Variants in ENAH observed in about 807,000 individuals in gnomAD.
ENAH encodes ENAH actin regulator.
A neutral mutation model predicts 78.7 loss-of-function variants in ENAH; 23 were observed. That is an observed-to-expected ratio of 0.29 (90% confidence interval 0.21 to 0.41). The LOEUF (loss-of-function observed/expected upper bound fraction) is 0.41, where lower values mean the gene tolerates loss of function less well. Ranked by LOEUF, ENAH falls within the 10% of genes least tolerant of loss-of-function variation. The probability of loss-of-function intolerance (pLI) is 1.00; values close to 1 mark genes in which losing one functional copy is unlikely to be tolerated. For synonymous variants in ENAH, 226 were observed against 241.0 expected, an observed-to-expected ratio of 0.94 and a Z score of 0.58; for missense variants, 544 against 691.0, an observed-to-expected ratio of 0.79 and a Z score of 2.39.
chr1:225,622,439 TA>T (rs929239854), intron 1 of ENAH, among the ~76,000 whole-genome samples: 2 of 152,170 alleles, frequency 1.3e-5, no homozygotes, highest in African/African-American at 2.4e-5. Context: ...TTAAAGCTGT[TA>T]AAATGTTATA....
chr1:225,586,241 C>CAAAAAAAAA (rs34817622), intron 1 of ENAH, among the ~76,000 whole-genome samples: 10 of 100,606 alleles, frequency 9.9e-5, no homozygotes, highest in East Asian at 2.9e-4. Flanking sequence ...GAGACAAGCT[C>CAAAAAAAAA]AAAAAAAAAA....
rs137866486 is a variant in ENAH at position 225,530,517 on chromosome 1, A to C, written c.434+37T>G. On this transcript the variant is annotated intron_variant, in intron 4 of 13. Coordinates refer to ENST00000366843, the MANE Select transcript of ENAH (RefSeq NM_018212.6). ...GATGTTCAGTTTTGTCTTCTGAAGC[A>C]TAAAGAAAAAGTACAAACAATAACT... The C allele has an allele frequency of 1.5e-4, 227 of 1,525,716 alleles. 1 individual carries two copies. The East Asian group carries it at 4.7e-3, about 32-fold the overall frequency. The allele number at this position is 1,525,716 out of a possible 1,614,324, so 94.5% of individuals were successfully genotyped here. A position where few individuals can be genotyped will look rare whatever the true frequency, so the allele number is the denominator to read the frequency against.
At chr1:225,505,482 C>G (rs943164004) in intron 11 of ENAH, among the ~76,000 whole-genome samples, 5 of 152,196 alleles carry the variant, frequency 3.3e-5, no homozygotes, top group African/African-American at 1.2e-4. Context: ...TGCTTTTACT[C>G]TGACATATTC....
chr1:225,559,386 G>A (rs2096687509), intron 2 of ENAH, among the ~76,000 whole-genome samples: 1 of 152,066 alleles, frequency 6.6e-6, no homozygotes, highest in Admixed American at 6.5e-5. Context: ...AAAGGTATGT[G>A]GTATATATGT....
intron 1 of ENAH, among the ~76,000 whole-genome samples, chr1:225,597,936 CTTT>C (rs77379508): frequency 6.9e-6 from 1 of 145,014 alleles, no homozygotes. Context: ...CTCCACTTAA[CTTT>C]TTTTTTTTTT....
chr1:225,611,156 C>T (rs1044011414), intron 1 of ENAH, among the ~76,000 whole-genome samples: 1 of 152,116 alleles, frequency 6.6e-6, no homozygotes, highest in African/African-American at 2.4e-5. Flanking sequence ...CTTTTCTGTA[C>T]ATCTTATATT....
At chr1:225,501,931 G>C (rs1423903672) in intron 11 of ENAH, among the ~76,000 whole-genome samples, 1 of 152,104 alleles carries the variant, frequency 6.6e-6, no homozygotes, top group African/African-American at 2.4e-5. Flanking sequence ...AGTCCCCAGT[G>C]GAAAACCTAG....
intron 3 of ENAH, among the ~76,000 whole-genome samples, chr1:225,548,703 T>G (rs1202480288): frequency 6.6e-6 from 1 of 152,184 alleles, no homozygotes; most frequent in Admixed American, 6.5e-5. Context: ...AACAGACATA[T>G]TAACCTCACA....
rs1255097564 is a variant in ENAH at position 225,487,808 on chromosome 1, C to G, written c.*9967G>C. 1 of 152,164 alleles carries G rather than the reference C, an allele frequency of 6.6e-6. No homozygotes were observed. The highest frequency in any genetic ancestry group is 1.5e-5 in the Non-Finnish European group (1 of 68,032). 9.4% of individuals were successfully genotyped at this position (152,164 alleles called of 1,614,324 possible). On this transcript the variant is annotated 3_prime_UTR_variant, in exon 14 of 14. Coordinates refer to ENST00000366843, the MANE Select transcript of ENAH (RefSeq NM_018212.6). ...GAGCAAAGCAAGATGACAAGAGATT[C>G]CAATTCCAGCATATATTATGAAAGG...
chr1:225,515,823 G>A (rs1234140740), intron 6 of ENAH, among the ~76,000 whole-genome samples: 3 of 152,228 alleles, frequency 2.0e-5, no homozygotes, highest in Non-Finnish European at 4.4e-5. Context: ...TGTCCCTTCT[G>A]TAGGGGTTGT....
chr1:225,619,141 C>T (rs1028859895), intron 1 of ENAH, among the ~76,000 whole-genome samples: 1 of 152,168 alleles, frequency 6.6e-6, no homozygotes, highest in Admixed American at 6.5e-5. Context: ...TTTCATGAAA[C>T]ACTTGCCATT....
In ENAH at chr1:225,530,445, T is replaced by C. The variant is rs144508038; in HGVS notation, c.434+109A>G. The stretch of plus-strand genomic sequence containing the variant: ...AAACTTACTAATGTAAGAATAAAAG[T>C]TGTGACTCTTAAACAGCTGATAAGA... On this transcript the variant is annotated intron_variant, in intron 4 of 13. Transcript: ENST00000366843. 214 of 815,218 alleles carry C rather than the reference T, an allele frequency of 2.6e-4. No homozygotes were observed. In the African/African-American group the frequency reaches 3.4e-3, roughly 13 times the overall value. The allele number at this position is 815,218 out of a possible 1,614,324, so 50.5% of individuals were successfully genotyped here. A position where few individuals can be genotyped will look rare whatever the true frequency, so the allele number is the denominator to read the frequency against.
chr1:225,604,403 G>A (rs1467081973), intron 1 of ENAH, among the ~76,000 whole-genome samples: 1 of 152,040 alleles, frequency 6.6e-6, no homozygotes, highest in Non-Finnish European at 1.5e-5. Flanking sequence ...AAATAAATAG[G>A]TGGGAAAATA....
chr1:225,553,493 C>T (rs527687248), intron 3 of ENAH, among the ~76,000 whole-genome samples: 18 of 151,600 alleles, frequency 1.2e-4, no homozygotes, highest in South Asian at 6.2e-4. Context: ...TTCTAAAACA[C>T]GGGATAGTCA....
At chr1:225,565,310 C>T (rs2096729042) in intron 2 of ENAH, among the ~76,000 whole-genome samples, 1 of 152,050 alleles carries the variant, frequency 6.6e-6, no homozygotes, top group Admixed American at 6.6e-5. Context: ...TGGCACATGC[C>T]TGTAATCCCA....
intron 1 of ENAH, among the ~76,000 whole-genome samples, chr1:225,582,526 C>A (rs1265827160): frequency 6.6e-6 from 1 of 152,156 alleles, no homozygotes; most frequent in African/African-American, 2.4e-5. Flanking sequence ...GAAACCCCCA[C>A]AGACTTTCTA....
At chr1:225,643,705 G>A (rs1207814947) in intron 1 of ENAH, among the ~76,000 whole-genome samples, 1 of 152,190 alleles carries the variant, frequency 6.6e-6, no homozygotes, top group Non-Finnish European at 1.5e-5. Context: ...GGAGGCTGAA[G>A]TGGGAGGATG....
intron 4 of ENAH, among the ~76,000 whole-genome samples, chr1:225,529,986 C>A (rs189827797): frequency 6.6e-6 from 1 of 152,132 alleles, no homozygotes; most frequent in African/African-American, 2.4e-5. Context: ...AGTAGCTCAG[C>A]GTTTGTGCGG....
At chr1:225,615,118 A>C (rs1401702087) in intron 1 of ENAH, among the ~76,000 whole-genome samples, 1 of 151,800 alleles carries the variant, frequency 6.6e-6, no homozygotes, top group Non-Finnish European at 1.5e-5. Flanking sequence ...TGCTGCCGCC[A>C]TCTCGGCTCA....
Sources: allele counts gnomAD v4.1 joint callset (sites outside exome capture counted in the v4.1 genomes callset), GRCh38; gene constraint gnomAD v4.1.1; transcripts MANE v1.5; gene names NCBI Gene and HGNC (gene_info 2026-07-23, HGNC 2026-07-21).